Variants in CLPB observed in about 807,000 individuals in gnomAD.
The protein encoded by CLPB is mitochondrial disaggregase.
A neutral mutation model predicts 78.4 loss-of-function variants in CLPB; 40 were observed. The ratio of observed to expected loss-of-function variants is 0.51; its 90% confidence interval spans 0.40 to 0.66. The LOEUF (loss-of-function observed/expected upper bound fraction) is 0.66. CLPB is among the 30% of genes least tolerant of loss of function. The pLI, the probability that CLPB is intolerant of heterozygous loss-of-function variation, is 0.00. For synonymous variants in CLPB, 333 were observed against 348.0 expected (o/e 0.96, Z 0.48); for missense variants, 780 against 886.9 (o/e 0.88, Z 1.53).
chr11:72,380,609 T>C (rs1429402729), intron 3 of CLPB, among the ~76,000 whole-genome samples: 2 of 152,108 alleles, frequency 1.3e-5, no homozygotes, highest in Non-Finnish European at 1.5e-5. Flanking sequence ...CCCAGCACTT[T>C]GGGAGAATTA....
intron 5 of CLPB, among the ~76,000 whole-genome samples, chr11:72,344,953 A>C (rs1249592647): frequency 6.6e-6 from 1 of 152,216 alleles, no homozygotes; most frequent in Non-Finnish European, 1.5e-5. Context: ...ACTTATAATA[A>C]GATAATCAAA....
chr11:72,302,414 G>A, intron 9 of CLPB, 66 bp from the exon 10 acceptor site: 7 of 1,379,500 alleles, frequency 5.1e-6, no homozygotes, highest in Admixed American at 1.7e-5. Context: ...GGGTTAGGGA[G>A]GAGAGCACCT....
chr11:72,296,929 G>C (rs962823977), intron 11 of CLPB, among the ~76,000 whole-genome samples: 2 of 152,174 alleles, frequency 1.3e-5, no homozygotes, highest in Non-Finnish European at 1.5e-5. Context: ...CAGTAGAGGC[G>C]AGACTTGAAC....
In CLPB at chr11:72,434,327, C is replaced by A. The variant is rs1486863255; in HGVS notation, c.148G>T (p.Val50Leu). 5 of 1,612,164 alleles carry A rather than the reference C, an allele frequency of 3.1e-6. No individual in the cohort carries two copies. The highest frequency in any genetic ancestry group is 2.2e-5 in the East Asian group (1 of 44,892). ...GTTCCAGGGCGCCCCCCGGTGGCTA[C>A]CCTCAGCCACTGCGGCTCCCCGAGA... The part of the protein sequence containing the change: ...GSLGEPQWLR[V>L]ATGGRPGTSP... The change falls in exon 1 of 16, where the codon GTA (valine) becomes TTA (leucine). Residue 50 changes from valine to leucine, a missense_variant. Val to Leu is a conservative substitution (Grantham distance 32). Around this residue, in one of 3 missense-constraint regions of CLPB, gnomAD observed 417 missense variants for 414.7 expected, o/e 1.01. Coordinates refer to ENST00000538039, the MANE Select transcript of CLPB (RefSeq NM_001258392.3).
At chr11:72,413,083 G>A (rs1855924066) in intron 2 of CLPB, among the ~76,000 whole-genome samples, 1 of 152,144 alleles carries the variant, frequency 6.6e-6, no homozygotes, top group East Asian at 1.9e-4. Flanking sequence ...GAGGTCGGGA[G>A]TTCGAGACCA....
At chr11:72,402,897 G>A in intron 3 of CLPB, 69 bp downstream of exon 3, 1 of 1,309,174 alleles carries the variant, frequency 7.6e-7, no homozygotes, top group Non-Finnish European at 1.1e-6. Flanking sequence ...CACCAGGTGG[G>A]AGAGTGCTCA....
chr11:72,387,182 T>A (rs1855103500), intron 3 of CLPB, among the ~76,000 whole-genome samples: 1 of 152,186 alleles, frequency 6.6e-6, no homozygotes. Context: ...TGAAAATTAA[T>A]AAGTAAATGG....
At chr11:72,369,081 A>G (rs533952672) in intron 4 of CLPB, among the ~76,000 whole-genome samples, 1 of 152,300 alleles carries the variant, frequency 6.6e-6, no homozygotes, top group African/African-American at 2.4e-5. Flanking sequence ...GGAGACCAGG[A>G]AGGATGGCAA....
At chr11:72,356,496 T>A (rs947356010) in intron 5 of CLPB, among the ~76,000 whole-genome samples, 2 of 151,110 alleles carry the variant, frequency 1.3e-5, no homozygotes, top group African/African-American at 4.9e-5. Flanking sequence ...GGTCAGAAGT[T>A]GGCAGCCTGC....
chr11:72,401,313 C>T (rs551856164), intron 3 of CLPB, among the ~76,000 whole-genome samples: 18 of 152,090 alleles, frequency 1.2e-4, no homozygotes, highest in Middle Eastern at 6.8e-3. Context: ...TGGTGGTGTG[C>T]GCCTGTAGTC....
At chr11:72,321,341 C>T (rs1368831595) in intron 6 of CLPB, among the ~76,000 whole-genome samples, 1 of 152,144 alleles carries the variant, frequency 6.6e-6, no homozygotes, top group Non-Finnish European at 1.5e-5. Context: ...GAGTGAGCAT[C>T]TTCTTAATAA....
intron 2 of CLPB, among the ~76,000 whole-genome samples, chr11:72,428,569 C>A (rs1189980104): frequency 1.3e-5 from 2 of 152,202 alleles, no homozygotes; most frequent in Admixed American, 1.3e-4. Flanking sequence ...TTGCTCCTGG[C>A]TCTGTGGTCT....
At chr11:72,303,582 C>T (rs1949697190) in intron 9 of CLPB, among the ~76,000 whole-genome samples, 2 of 152,184 alleles carry the variant, frequency 1.3e-5, no homozygotes, top group African/African-American at 4.8e-5. Context: ...CTCCCTGCCT[C>T]ACCAGGGGTC....
chr11:72,366,262 T>A (rs1027767814), intron 4 of CLPB, among the ~76,000 whole-genome samples: 14 of 152,358 alleles, frequency 9.2e-5, no homozygotes, highest in African/African-American at 3.4e-4. Context: ...TCACCCAGGC[T>A]GGAGTACAAT....
At chr11:72,294,529 A>T in intron 13 of CLPB, 85 bp from the exon 14 acceptor site, 1 of 1,610,476 alleles carries the variant, frequency 6.2e-7, no homozygotes, top group Non-Finnish European at 8.5e-7. Flanking sequence ...AAGACTGGGG[A>T]AATTATGGGG....
At position 72,293,432 on chromosome 11, in the gene CLPB, T is replaced by A. The variant is rs1254521420; in HGVS notation, c.1969A>T (p.Ser657Cys). The A allele has an allele frequency of 2.2e-5, 36 of 1,614,076 alleles. No homozygotes were observed. The highest frequency in any genetic ancestry group is 2.8e-5 in the Non-Finnish European group (33 of 1,180,038). ...KLRLEIIDKD[S>C]KTRRLDIRAP... ...CGGATGTCCAGTCTGCGAGTCTTGC[T>A]GTCCTTGTCGATGATCTCCAGACGC... Residue 657 changes from serine (S) to cysteine (C), a missense_variant, in exon 16 of 16, where the codon AGC (serine) becomes TGC (cysteine). By Grantham distance (112) the Ser-to-Cys change is moderately radical. Around this residue, in one of 3 missense-constraint regions of CLPB, gnomAD observed 272 missense variants for 304.0 expected, o/e 0.89. Transcript: ENST00000538039.
intron 2 of CLPB, among the ~76,000 whole-genome samples, chr11:72,425,334 A>C: frequency 6.6e-6 from 1 of 152,168 alleles, no homozygotes; most frequent in East Asian, 1.9e-4. Flanking sequence ...CCCAATGCCT[A>C]GCTCTGAATA....
chr11:72,375,475 T>C (rs1361147342), intron 4 of CLPB, among the ~76,000 whole-genome samples: 1 of 152,182 alleles, frequency 6.6e-6, no homozygotes, highest in East Asian at 1.9e-4. Flanking sequence ...CTGCATAGAC[T>C]GTTCCCTCTG....
chr11:72,408,182 T>C (rs1337189143), intron 2 of CLPB: 1 of 1,535,412 alleles, frequency 6.5e-7, no homozygotes, highest in Non-Finnish European at 8.7e-7. Flanking sequence ...TGACTGAGCA[T>C]CATTCTTTGC....
Sources: gnomAD v4.1 joint callset for allele counts (sites outside exome capture counted in the v4.1 genomes callset) on GRCh38, gnomAD v4.1.1 for gene constraint, gnomAD v4.1.1 regional missense constraint, MANE v1.5 for transcripts, NCBI Gene and HGNC (gene_info 2026-07-23, HGNC 2026-07-21) for gene names.